The following KCNK2 variants were observed in gnomAD, a reference collection of about 807,000 sequenced individuals.
The protein encoded by KCNK2 is potassium channel subfamily K member 2.
In KCNK2, 21 loss-of-function variants were observed where a neutral mutation model predicts 40.5. The ratio of observed to expected loss-of-function variants is 0.52; its 90% confidence interval spans 0.37 to 0.75. The LOEUF (loss-of-function observed/expected upper bound fraction) is 0.75. Among genes scored for constraint, KCNK2 ranks in the 30% least tolerant of loss-of-function variants. KCNK2 has a pLI of 0.00. For missense variants in KCNK2, 399 were observed against 531.6 expected, an observed-to-expected ratio of 0.75 and a Z score of 2.45; for synonymous variants, 191 against 202.2, an observed-to-expected ratio of 0.94 and a Z score of 0.47.
intron 5 of KCNK2, among the ~76,000 whole-genome samples, chr1:215,173,029 C>G (rs1298164748): frequency 1.3e-5 from 2 of 151,910 alleles, no homozygotes; most frequent in Non-Finnish European, 2.9e-5. Context: ...GCACAACGTG[C>G]AGGTTTGTTA....
chr1:215,207,776 A>G (rs572219531), intron 6 of KCNK2, among the ~76,000 whole-genome samples: 4 of 152,290 alleles, frequency 2.6e-5, no homozygotes, highest in Non-Finnish European at 5.9e-5. Flanking sequence ...AAAAAAAGTT[A>G]AACACTGATC....
intron 1 of KCNK2, among the ~76,000 whole-genome samples, chr1:215,019,077 C>A (rs74140864): frequency 0.04 from 6,056 of 152,172 alleles, 367 homozygotes; most frequent in African/African-American, 0.13. Context: ...TATCTGATAA[C>A]ATGAGCCCTG....
intron 3 of KCNK2, among the ~76,000 whole-genome samples, chr1:215,132,459 C>T (rs1455885448): frequency 6.6e-6 from 1 of 152,208 alleles, no homozygotes; most frequent in Non-Finnish European, 1.5e-5. Flanking sequence ...TTGAGGTTCT[C>T]TCAGGCAGCT....
At chr1:215,193,467 C>G (rs936262270) in intron 5 of KCNK2, among the ~76,000 whole-genome samples, 3 of 151,234 alleles carry the variant, frequency 2.0e-5, no homozygotes, top group Non-Finnish European at 4.4e-5. Context: ...CTTTCTTCCC[C>G]TATTCAGTTA....
At chr1:215,093,891 A>G (rs1477446435) in intron 2 of KCNK2, among the ~76,000 whole-genome samples, 1 of 74,410 alleles carries the variant, frequency 1.3e-5, no homozygotes, top group African/African-American at 4.3e-5. Flanking sequence ...TATATTATAT[A>G]TAAAAATATA....
intron 3 of KCNK2, among the ~76,000 whole-genome samples, chr1:215,130,270 G>T (rs536587041): frequency 3.9e-5 from 6 of 152,196 alleles, no homozygotes; most frequent in Non-Finnish European, 7.3e-5. Flanking sequence ...TTCTGGGTTG[G>T]TGAATACTGG....
chr1:215,115,913 A>G (rs1660915442), intron 2 of KCNK2, among the ~76,000 whole-genome samples: 1 of 150,046 alleles, frequency 6.7e-6, no homozygotes, highest in African/African-American at 2.5e-5. Context: ...TGCTTCACAT[A>G]TGTAGACTGG....
chr1:215,059,865 T>C (rs1298884289), intron 1 of KCNK2, among the ~76,000 whole-genome samples: 1 of 152,210 alleles, frequency 6.6e-6, no homozygotes, highest in Non-Finnish European at 1.5e-5. Flanking sequence ...GTGTGTTACA[T>C]AAGCCTGGGG....
intron 1 of KCNK2, among the ~76,000 whole-genome samples, chr1:215,033,096 C>A (rs1412410541): frequency 6.6e-6 from 1 of 151,798 alleles, no homozygotes; most frequent in East Asian, 1.9e-4. Flanking sequence ...TATTGACATA[C>A]TCTCAAGCTC....
intron 5 of KCNK2, among the ~76,000 whole-genome samples, chr1:215,187,129 C>G (rs990191378): frequency 6.6e-6 from 1 of 152,054 alleles, no homozygotes; most frequent in Non-Finnish European, 1.5e-5. Context: ...GCCACCATAC[C>G]CAGCTAATTT....
intron 1 of KCNK2, among the ~76,000 whole-genome samples, chr1:215,043,150 AG>A (rs1326293516): frequency 2.0e-5 from 3 of 152,192 alleles, no homozygotes; most frequent in Non-Finnish European, 4.4e-5. Flanking sequence ...GCAAAAATTA[AG>A]AAGTGTTAGA....
At chr1:215,142,037 C>A (rs1465821977) in intron 3 of KCNK2, among the ~76,000 whole-genome samples, 2 of 151,952 alleles carry the variant, frequency 1.3e-5, no homozygotes, top group African/African-American at 4.8e-5. Flanking sequence ...TCTGGGAAAT[C>A]TTTTATATTC....
intron 1 of KCNK2, among the ~76,000 whole-genome samples, chr1:215,044,733 A>G (rs1032743301): frequency 1.3e-5 from 2 of 152,094 alleles, no homozygotes; most frequent in Admixed American, 6.5e-5. Context: ...AAGTTGGACC[A>G]TAATTAGGGA....
In KCNK2 at chr1:215,083,570, T is replaced by TA. The variant is rs1659282575; in HGVS notation, c.46+141dup. ...GCTTCGCGTCCAAAGTGTTGGGTCA[T>TA]AATCTGGATTTGGAGGCAAACCCTT... is the stretch of plus-strand genomic sequence containing the variant. On this transcript the variant is annotated intron_variant, in intron 1 of 6. Transcript: ENST00000444842. 1.9e-5 allele frequency: 13 copies of TA among 685,240 alleles called. No individual in the cohort carries two copies. The South Asian group carries it at 2.1e-4, about 11-fold the overall frequency. The allele number at this position is 685,240 out of a possible 1,614,324, so 42.4% of individuals were successfully genotyped here.
chr1:215,080,550 A>T (rs538141827), upstream of KCNK2, among the ~76,000 whole-genome samples: 23 of 152,314 alleles, frequency 1.5e-4, no homozygotes, highest in South Asian at 4.8e-3. Flanking sequence ...AGGAATAACG[A>T]TTTCACTCAG....
At chr1:215,028,041 T>A (rs1486439471) in intron 1 of KCNK2, among the ~76,000 whole-genome samples, 2 of 152,202 alleles carry the variant, frequency 1.3e-5, no homozygotes, top group African/African-American at 4.8e-5. Context: ...TTTTTTTCTT[T>A]TTTTTCCTTT....
chr1:215,035,192 G>A (rs2102488623), intron 1 of KCNK2, among the ~76,000 whole-genome samples: 1 of 152,186 alleles, frequency 6.6e-6, no homozygotes, highest in African/African-American at 2.4e-5. Context: ...TTACCTTTCA[G>A]TGATGTAATG....
intron 2 of KCNK2, among the ~76,000 whole-genome samples, chr1:215,100,565 T>G (rs937534354): frequency 6.6e-6 from 1 of 151,974 alleles, no homozygotes; most frequent in African/African-American, 2.4e-5. Context: ...CCTCTTTTAG[T>G]TAAAAAATAT....
At chr1:215,186,272 A>T (rs989544120) in intron 5 of KCNK2, among the ~76,000 whole-genome samples, 3 of 152,094 alleles carry the variant, frequency 2.0e-5, no homozygotes, top group African/African-American at 7.2e-5. Flanking sequence ...TTAGCTGTAC[A>T]TGGTGGCATG....
Sources: allele counts gnomAD v4.1 joint callset (sites outside exome capture counted in the v4.1 genomes callset), GRCh38; gene constraint gnomAD v4.1.1; transcripts MANE v1.5; gene names NCBI Gene and HGNC (gene_info 2026-07-23, HGNC 2026-07-21).